The following APBA2 variants were observed in gnomAD, a reference collection of about 807,000 sequenced individuals.
The protein encoded by APBA2 is amyloid-beta A4 precursor protein-binding family A member 2.
Under a neutral mutation model 75.0 loss-of-function variants are expected in APBA2, and 30 were observed. The ratio of observed to expected loss-of-function variants is 0.40; its 90% CI spans 0.30 to 0.54. APBA2 has a LOEUF of 0.54. Ranked by LOEUF, APBA2 falls within the 20% of genes least tolerant of loss-of-function variation. APBA2 has a pLI of 0.49. For synonymous variants in APBA2, 444 were observed against 409.6 expected, an observed-to-expected ratio of 1.08 and a Z score of -1.01; for missense variants, 801 against 1,016.1, an observed-to-expected ratio of 0.79 and a Z score of 2.88.
At chr15:29,023,543 T>C (rs4779468) in intron 3 of APBA2, among the ~76,000 whole-genome samples, 52,999 of 146,294 alleles carry the variant, frequency 0.36, 15,610 homozygotes, top group African/African-American at 0.79. Context: ...GCAACCTCTG[T>C]CTCCGAGGTT....
chr15:28,908,968 C>T (rs2033284956), intron 1 of APBA2, among the ~76,000 whole-genome samples: 1 of 151,198 alleles, frequency 6.6e-6, no homozygotes, highest in African/African-American at 2.4e-5. Context: ...CAGCCCCCGG[C>T]AGCCACCATT....
At chr15:29,034,594 C>G (rs1173822935) in intron 3 of APBA2, among the ~76,000 whole-genome samples, 1 of 152,130 alleles carries the variant, frequency 6.6e-6, no homozygotes, top group Non-Finnish European at 1.5e-5. Context: ...TGTATGCATG[C>G]TATTTGTTTA....
At chr15:29,055,542 A>ATT (rs1566954222) in intron 4 of APBA2, among the ~76,000 whole-genome samples, 3 of 152,230 alleles carry the variant, frequency 2.0e-5, no homozygotes, top group Non-Finnish European at 2.9e-5. Flanking sequence ...GTGAGTATAT[A>ATT]AAGAAGATGT....
chr15:28,983,645 C>A (rs902698707), intron 2 of APBA2, among the ~76,000 whole-genome samples: 6 of 152,310 alleles, frequency 3.9e-5, no homozygotes, highest in East Asian at 1.9e-4. Context: ...ACCCACCTCG[C>A]GGTGTAGGAG....
chr15:29,018,762 G>A (rs1002113833), intron 3 of APBA2, among the ~76,000 whole-genome samples: 7 of 152,218 alleles, frequency 4.6e-5, no homozygotes, highest in Non-Finnish European at 8.8e-5. Context: ...AGCTCCATAA[G>A]GAGGAGGAAC....
Position 29,105,552 on chromosome 15 carries a change from C to T in APBA2, c.1698C>T (p.Cys566=). 1 of 1,613,458 alleles carries T rather than the reference C, an allele frequency of 6.2e-7. No homozygotes were observed. The highest frequency in any genetic ancestry group is 8.5e-7 in the Non-Finnish European group (1 of 1,180,016). Residue 566 remains cysteine, a synonymous_variant, in exon 11 of 15, where the codon TGC becomes TGT. Transcript: ENST00000683413. ...TCCACTTCTCAAACTCGGAGAACTGCAAGGAGGTAAGCCACACCCACCAGC... is the reference window on the plus strand; with the variant it reads ...TCCACTTCTCAAACTCGGAGAACTGTAAGGAGGTAAGCCACACCCACCAGC... The part of the protein sequence containing the change: ...DLIHFSNSEN[C]KELQLEKHKG...
At chr15:29,078,617 A>T (rs1407874528) in intron 6 of APBA2, among the ~76,000 whole-genome samples, 1 of 151,836 alleles carries the variant, frequency 6.6e-6, no homozygotes, top group Non-Finnish European at 1.5e-5. Context: ...TCTCAAAAAA[A>T]AAAAAAACAA....
Position 29,117,313 on chromosome 15 carries a change from T to C in APBA2, c.*180T>C. 1 of 618,852 alleles carries C rather than the reference T, an allele frequency of 1.6e-6. No individual in the cohort carries two copies. Among genetic ancestry groups the C allele is most frequent in the South Asian group, 1.9e-5 (1 of 52,872 alleles). 38.3% of individuals were successfully genotyped at this position (618,852 alleles called of 1,614,324 possible). A position where few individuals can be genotyped will look rare whatever the true frequency, so the allele number is the denominator to read the frequency against. On this transcript the variant is annotated 3_prime_UTR_variant, in exon 15 of 15. Transcript: ENST00000683413. Reference sequence around the variant, plus strand: ...TTTCATTTTGCCAAAAAGGGGTATGTCTTTATCAAAGGAGAGTCACAGAAC... The same window carrying C: ...TTTCATTTTGCCAAAAAGGGGTATGCCTTTATCAAAGGAGAGTCACAGAAC...
intron 1 of APBA2, among the ~76,000 whole-genome samples, chr15:28,895,300 C>T (rs142768271): frequency 2.0e-5 from 3 of 152,260 alleles, no homozygotes; most frequent in Admixed American, 6.5e-5. Context: ...TGGCTGGGCA[C>T]GCAGGCTGTC....
intron 2 of APBA2, among the ~76,000 whole-genome samples, chr15:28,934,175 C>T (rs2034719851): frequency 6.6e-6 from 1 of 152,222 alleles, no homozygotes; most frequent in African/African-American, 2.4e-5. Context: ...AGAGCTTGGA[C>T]TGTGTCCTAT....
intron 9 of APBA2, among the ~76,000 whole-genome samples, chr15:29,099,716 G>A (rs2044024134): frequency 6.6e-6 from 1 of 152,238 alleles, no homozygotes; most frequent in Non-Finnish European, 1.5e-5. Flanking sequence ...TGCTAGGCCT[G>A]CCCCAGTACC....
At chr15:29,022,385 G>T (rs1566916029) in intron 3 of APBA2, among the ~76,000 whole-genome samples, 1 of 152,236 alleles carries the variant, frequency 6.6e-6, no homozygotes, top group African/African-American at 2.4e-5. Flanking sequence ...TTTCCTTGAT[G>T]ATTTTTTATT....
intron 14 of APBA2, among the ~76,000 whole-genome samples, chr15:29,115,079 C>A (rs1017342637): frequency 6.6e-6 from 1 of 151,902 alleles, no homozygotes; most frequent in African/African-American, 2.4e-5. Flanking sequence ...AGCGTGGTGG[C>A]CGCACGAGGC....
intron 1 of APBA2, among the ~76,000 whole-genome samples, chr15:28,903,731 T>A (rs1382260716): frequency 6.6e-6 from 1 of 152,112 alleles, no homozygotes; most frequent in East Asian, 1.9e-4. Context: ...CTTTGCAAGA[T>A]GATGTGAGTC....
chr15:29,076,195 C>T (rs2042842593), intron 6 of APBA2, 104 bp downstream of exon 6: 20 of 1,238,868 alleles, frequency 1.6e-5, no homozygotes, highest in South Asian at 1.3e-4. Flanking sequence ...GTTTACAAAG[C>T]GTGCCTACCT....
At chr15:29,059,482 T>C (rs2042041179) in intron 4 of APBA2, among the ~76,000 whole-genome samples, 1 of 152,140 alleles carries the variant, frequency 6.6e-6, no homozygotes, top group Non-Finnish European at 1.5e-5. Context: ...AAAAAACACA[T>C]AGTGGACAGG....
chr15:28,952,802 A>T (rs1290135281), intron 2 of APBA2, among the ~76,000 whole-genome samples: 1 of 152,194 alleles, frequency 6.6e-6, no homozygotes, highest in African/African-American at 2.4e-5. Context: ...TTTTACATGT[A>T]TTTATCTTCT....
intron 2 of APBA2, among the ~76,000 whole-genome samples, chr15:28,972,656 A>G (rs958796698): frequency 3.3e-5 from 5 of 152,250 alleles, no homozygotes; most frequent in African/African-American, 1.2e-4. Flanking sequence ...CAGAAACAAA[A>G]ATATTGTGCC....
At chr15:29,097,315 G>A (rs1196279403) in intron 8 of APBA2, among the ~76,000 whole-genome samples, 1 of 152,286 alleles carries the variant, frequency 6.6e-6, no homozygotes, top group Non-Finnish European at 1.5e-5. Context: ...AGGAGGGGCT[G>A]TGGCGACAGA....
Sources: allele counts gnomAD v4.1 joint callset (sites outside exome capture counted in the v4.1 genomes callset), GRCh38; gene constraint gnomAD v4.1.1; transcripts MANE v1.5; gene names NCBI Gene and HGNC (gene_info 2026-07-23, HGNC 2026-07-21).